The following EZH1 variants were observed in gnomAD, a reference collection of about 807,000 sequenced individuals.
The protein encoded by EZH1 is enhancer of zeste 1 polycomb repressive complex 2 subunit.
A neutral mutation model predicts 100.5 loss-of-function variants in EZH1; 33 were observed. The ratio of observed to expected loss-of-function variants is 0.33; its 90% CI spans 0.25 to 0.44. EZH1 has a LOEUF of 0.44. Ranked by LOEUF, EZH1 falls within the 20% of genes least tolerant of loss-of-function variation. The pLI, the probability that EZH1 is intolerant of heterozygous loss-of-function variation, is 1.00. For missense variants in EZH1, 475 were observed against 928.4 expected, an observed-to-expected ratio of 0.51 and a Z score of 6.35; for synonymous variants, 272 against 313.8, an observed-to-expected ratio of 0.87 and a Z score of 1.41.
chr17:42,711,068 A>G (rs561510369), intron 12 of EZH1, among the ~76,000 whole-genome samples: 3 of 152,160 alleles, frequency 2.0e-5, no homozygotes, highest in African/African-American at 7.2e-5. Context: ...CCTGTTCTTC[A>G]GTCTGTCTTC....
At chr17:42,719,693 T>G (rs139189311) in intron 7 of EZH1, among the ~76,000 whole-genome samples, 1 of 152,312 alleles carries the variant, frequency 6.6e-6, no homozygotes, top group East Asian at 1.9e-4. Flanking sequence ...GCCGAGATTG[T>G]GCCACTGCAC....
At chr17:42,733,457 T>C (rs2143858179) in intron 1 of EZH1, among the ~76,000 whole-genome samples, 1 of 151,274 alleles carries the variant, frequency 6.6e-6, no homozygotes, top group Middle Eastern at 3.4e-3. Context: ...CTGGCTAACA[T>C]GGTGAAACCC....
At chr17:42,717,497 A>T (rs2053628202) in intron 10 of EZH1, among the ~76,000 whole-genome samples, 2 of 152,158 alleles carry the variant, frequency 1.3e-5, no homozygotes, top group South Asian at 4.1e-4. Context: ...AGCTCTCAAT[A>T]TATGGCTTCC....
Position 42,718,589 on chromosome 17 carries a change from G to A in EZH1, c.796C>T (p.Pro266Ser), listed in dbSNP as rs1235417794. The A allele has an allele frequency of 6.2e-7, 1 of 1,614,146 alleles. No individual in the cohort carries two copies. Among genetic ancestry groups the A allele is most frequent in the Admixed American group, 1.7e-5 (1 of 60,020 alleles). Residue 266 changes from proline (P) to serine (S), a missense_variant, in exon 9 of 21, where the codon CCC (proline) becomes TCC (serine). Coordinates refer to ENST00000428826, the MANE Select transcript of EZH1 (RefSeq NM_001991.5). The surrounding 1 kb of genome is among the most constrained non-coding windows in gnomAD (Gnocchi z 4.2). ...RYRELTEMSD[P>S]NALPPQCTPN... ...GTGCACTGAGGGGGAAGTGCATTGGGGTCTGACATCTCTGTTAGTTCTCGA... is the reference window on the plus strand; with the variant it reads ...GTGCACTGAGGGGGAAGTGCATTGGAGTCTGACATCTCTGTTAGTTCTCGA...
chr17:42,712,238 A>G, intron 12 of EZH1, 51 bp downstream of exon 12: 2 of 1,576,192 alleles, frequency 1.3e-6, no homozygotes, highest in South Asian at 1.2e-5. Flanking sequence ...GGCTGGACAG[A>G]GCAATGCGTG....
Position 42,720,388 on chromosome 17 carries a change from C to T in EZH1, c.549G>A (p.Leu183=). ...CCTCCTCCTCATCTGAGTACTGATT[C>T]AGGGCATCGACCAACTCCAGAAAAA... ...DAVFLELVDA[L]NQYSDEEEEG... The change falls in exon 7 of 21, where the codon CTG becomes CTA. Residue 183 remains leucine (L), a synonymous_variant. Transcript: ENST00000428826. The T allele has an allele frequency of 6.2e-7, 1 of 1,614,100 alleles. No individual in the cohort carries two copies. The highest frequency in any genetic ancestry group is 8.5e-7 in the Non-Finnish European group (1 of 1,180,016).
intron 6 of EZH1, among the ~76,000 whole-genome samples, chr17:42,721,071 A>G (rs1212110714): frequency 6.6e-6 from 1 of 152,266 alleles, no homozygotes; most frequent in Non-Finnish European, 1.5e-5. Context: ...AAAAATAATA[A>G]AATGAAAATT....
intron 18 of EZH1, 89 bp downstream of exon 18, chr17:42,704,513 A>AC: frequency 1.9e-6 from 2 of 1,037,938 alleles, no homozygotes; most frequent in Non-Finnish European, 2.9e-6. Context: ...GCACCATTGC[A>AC]CCCTAGCCTG....
In EZH1 at chr17:42,722,325, A is replaced by G. The variant is rs138172413; in HGVS notation, c.487+470T>C. Reference sequence around the variant, plus strand: ...GAGTGAGTCCCTGTCTCTAAAAAAAAAATAAAAAAAAAAATTGGGCTAGGC... The same window carrying G: ...GAGTGAGTCCCTGTCTCTAAAAAAAGAATAAAAAAAAAAATTGGGCTAGGC... On this transcript the variant is annotated intron_variant, in intron 6 of 20. Transcript: ENST00000428826. Among the ~76,000 whole-genome samples, 1,038 of 151,294 alleles carry G rather than the reference A, an allele frequency of 6.9e-3. 10 individuals are homozygous for G. Among genetic ancestry groups the G allele is most frequent in the African/African-American group, 0.024 (995 of 41,262 alleles).
At chr17:42,716,049 A>G (rs2053599082) in intron 10 of EZH1, among the ~76,000 whole-genome samples, 1 of 143,130 alleles carries the variant, frequency 7.0e-6, no homozygotes, top group East Asian at 2.0e-4. Context: ...CTCTGTCTCA[A>G]AAAAAAAAAA....
At chr17:42,724,803 A>C (rs545701227) in intron 4 of EZH1, among the ~76,000 whole-genome samples, 311 of 152,048 alleles carry the variant, frequency 2.0e-3, no homozygotes, top group African/African-American at 7.1e-3. Flanking sequence ...AGAGAAAAAA[A>C]ATGATCTTAG....
intron 7 of EZH1, among the ~76,000 whole-genome samples, chr17:42,719,952 G>T (rs944512686): frequency 6.6e-6 from 1 of 151,940 alleles, no homozygotes; most frequent in Non-Finnish European, 1.5e-5. Context: ...AAACATTAGT[G>T]ACATGGAAAA....
At chr17:42,732,497 G>A (rs774417220) in intron 1 of EZH1, among the ~76,000 whole-genome samples, 26 of 151,810 alleles carry the variant, frequency 1.7e-4, no homozygotes, top group Non-Finnish European at 2.9e-5. Flanking sequence ...GGCCGGGCGC[G>A]GTGGCTCACG....
In EZH1 at chr17:42,702,178, C is replaced by T. The variant is rs888395527; in HGVS notation, c.*354G>A. On this transcript the variant is annotated 3_prime_UTR_variant, in exon 21 of 21. Coordinates refer to ENST00000428826, the MANE Select transcript of EZH1 (RefSeq NM_001991.5). Reference sequence around the variant, plus strand: ...GGAAAGCTACAATTACAGGCTAGCGCTTGTTGGGAACTGCCTAAGTTGATT... The same window carrying T: ...GGAAAGCTACAATTACAGGCTAGCGTTTGTTGGGAACTGCCTAAGTTGATT... The T allele has an allele frequency of 8.7e-6, 2 of 229,352 alleles. No homozygotes were observed. The highest frequency in any genetic ancestry group is 1.0e-4 in the Admixed American group (2 of 19,588). The allele number at this position is 229,352 out of a possible 1,614,324, so 14.2% of individuals were successfully genotyped here.
chr17:42,703,690 G>T (rs1406510676), intron 19 of EZH1, 50 bp downstream of exon 19: 4 of 1,293,452 alleles, frequency 3.1e-6, no homozygotes, highest in Non-Finnish European at 4.5e-6. Context: ...GGAAATCACA[G>T]TAAAGAGGCA....
In EZH1 at chr17:42,718,927, C is replaced by A. The variant is rs2053655237; in HGVS notation, c.767+178G>T. On this transcript the variant is annotated intron_variant, in intron 8 of 20. Transcript: ENST00000428826. This position sits in a 1 kb window ranked among gnomAD's most constrained non-coding sequence, Gnocchi z 4.2. ...CACTCAAAAGCCAGTATACGATGAC[C>A]CTTAATATAGTAAGGGGGGCATTTA... Among the ~76,000 whole-genome samples, 1 of 152,060 alleles carries A rather than the reference C, an allele frequency of 6.6e-6. No individual in the cohort carries two copies. Among genetic ancestry groups the A allele is most frequent in the Non-Finnish European group, 1.5e-5 (1 of 68,018 alleles).
chr17:42,724,180 G>T, intron 5 of EZH1, 125 bp downstream of exon 5: 1 of 1,102,836 alleles, frequency 9.1e-7, no homozygotes, highest in Non-Finnish European at 1.3e-6. Flanking sequence ...TTACAACCTT[G>T]TTCTGCCCTG....
chr17:42,736,207 C>A (rs897731543), intron 1 of EZH1, among the ~76,000 whole-genome samples: 1 of 152,178 alleles, frequency 6.6e-6, no homozygotes, highest in Non-Finnish European at 1.5e-5. Flanking sequence ...TCATACACTG[C>A]TGGTAGGAAT....
chr17:42,701,925 ATGCC>A lies in EZH1; in HGVS notation c.*603_*606del, dbSNP rs1341642907. 6.6e-6 allele frequency: 1 copy of A among 152,182 alleles called. No individual in the cohort carries two copies. The highest frequency in any genetic ancestry group is 1.5e-5 in the Non-Finnish European group (1 of 68,024). 9.4% of individuals were successfully genotyped at this position (152,182 alleles called of 1,614,324 possible). On this transcript the variant is annotated 3_prime_UTR_variant, in exon 21 of 21. Transcript: ENST00000428826. ...GTAGCTTTCCTTCCCCCAGCCTTGA[ATGCC>A]TGTACTTAGAACCCACACTCTTTCA...
Sources: allele counts gnomAD v4.1 joint callset (sites outside exome capture counted in the v4.1 genomes callset), GRCh38; gene constraint gnomAD v4.1.1; non-coding constraint Gnocchi (gnomAD v3.1); transcripts MANE v1.5; gene names NCBI Gene and HGNC (gene_info 2026-07-23, HGNC 2026-07-21).